SYT6: variants seen among roughly 807,000 people sequenced by gnomAD.
SYT6 encodes the protein synaptotagmin 6.
A neutral mutation model predicts 38.4 loss-of-function variants in SYT6; 24 were observed. That is an observed-to-expected ratio of 0.62 (90% CI 0.45 to 0.88). The LOEUF (loss-of-function observed/expected upper bound fraction) is 0.88. Ranked by LOEUF, SYT6 falls within the 40% of genes least tolerant of loss-of-function variation. SYT6 has a pLI of 0.00. For synonymous variants in SYT6, 265 were observed against 241.9 expected (o/e 1.10, Z -0.89); for missense variants, 611 against 621.0 (o/e 0.98, Z 0.17).
intron 1 of SYT6, among the ~76,000 whole-genome samples, chr1:114,153,155 A>T (rs1054129435): frequency 8.5e-5 from 13 of 152,292 alleles, no homozygotes; most frequent in African/African-American, 2.6e-4. Context: ...CCGCGAGAAC[A>T]CACAAACGGA....
rs374174134 is a variant in SYT6 at position 114,137,609 on chromosome 1, A to G, written c.957T>C (p.Phe319=). 23 of 1,614,198 alleles carry G rather than the reference A, an allele frequency of 1.4e-5. No individual in the cohort carries two copies. The highest frequency in any genetic ancestry group is 1.5e-5 in the Non-Finnish European group (18 of 1,180,020). ...TCATGTCATGGCGGGAGAAGCGGTC[A>G]AAGTCGAAGACACTGAGATGCAGCT... ...DRKLHLSVFD[F]DRFSRHDMIG... is the part of the protein sequence containing the mutation. The change falls in exon 3 of 8, where the codon TTT becomes TTC. Residue 319 remains phenylalanine (F), a synonymous_variant. Coordinates refer to ENST00000610222, the MANE Select transcript of SYT6 (RefSeq NM_001253772.2).
rs766682891 is a variant in SYT6, at chr1:114,092,179, C to T, written c.*52-97G>A. The T allele has an allele frequency of 2.6e-6, 3 of 1,167,086 alleles. No homozygotes were observed. The South Asian group carries it at 4.4e-5, about 17-fold the overall frequency. 72.3% of individuals were successfully genotyped at this position (1,167,086 alleles called of 1,614,324 possible). A position where few individuals can be genotyped will look rare whatever the true frequency, so the allele number is the denominator to read the frequency against. The stretch of plus-strand genomic sequence containing the variant: ...GCCCAATGCACTGAATTCACCTTTC[C>T]TAGCTTCTCATAAGCTTTCTTGAAT... On this transcript the variant is annotated intron_variant, in intron 7 of 7. Coordinates refer to ENST00000610222, the MANE Select transcript of SYT6 (RefSeq NM_001253772.2).
intron 7 of SYT6, among the ~76,000 whole-genome samples, chr1:114,092,472 C>T (rs894482005): frequency 1.3e-5 from 2 of 152,098 alleles, no homozygotes; most frequent in Non-Finnish European, 2.9e-5. Flanking sequence ...CAGAATATGT[C>T]CTTACTGCCA....
intron 4 of SYT6, among the ~76,000 whole-genome samples, chr1:114,100,341 C>T (rs1380929719): frequency 6.6e-6 from 1 of 152,306 alleles, no homozygotes; most frequent in African/African-American, 2.4e-5. Context: ...GCCAGCCAAG[C>T]AGCTGCTCCC....
At chr1:114,126,473 C>G (rs1677743686) in intron 3 of SYT6, among the ~76,000 whole-genome samples, 1 of 152,168 alleles carries the variant, frequency 6.6e-6, no homozygotes, top group South Asian at 2.1e-4. Flanking sequence ...AAGTCTGTGA[C>G]AGTGCCCAGA....
Position 114,103,698 on chromosome 1 carries a change from G to A in SYT6, c.1095C>T (p.Ile365=). The change falls in exon 4 of 8, where the codon ATC becomes ATT. Residue 365 remains isoleucine, a synonymous_variant. Transcript: ENST00000610222. ...TGGGCAGGTAGCAAAGGGAGAACAT[G>A]ATCTCTCCCAAGTCCACGCTTTCCT... ...ATSESVDLGE[I]MFSLCYLPTA... The A allele has an allele frequency of 6.2e-7, 1 of 1,614,020 alleles. No homozygotes were observed.
At chr1:114,109,962 T>C (rs780804043) in intron 3 of SYT6, among the ~76,000 whole-genome samples, 1 of 152,172 alleles carries the variant, frequency 6.6e-6, no homozygotes, top group Admixed American at 6.5e-5. Flanking sequence ...GCAGGGAGTG[T>C]TCGGGGCGCA....
At chr1:114,102,065 A>T (rs1019996728) in intron 4 of SYT6, among the ~76,000 whole-genome samples, 1 of 152,206 alleles carries the variant, frequency 6.6e-6, no homozygotes, top group African/African-American at 2.4e-5. Flanking sequence ...AGCTTTTGTG[A>T]TGACCTCAGC....
At chr1:114,122,508 C>T (rs112477357) in intron 3 of SYT6, among the ~76,000 whole-genome samples, 2 of 66,748 alleles carry the variant, frequency 3.0e-5, no homozygotes, top group Admixed American at 1.7e-4. Context: ...TGTGTGTGTG[C>T]GCGCACATGA....
chr1:114,149,511 C>T (rs977938612), intron 1 of SYT6, among the ~76,000 whole-genome samples: 2 of 152,092 alleles, frequency 1.3e-5, no homozygotes, highest in African/African-American at 2.4e-5. Context: ...AAGCTAATTA[C>T]GGCCGCACCA....
intron 2 of SYT6, among the ~76,000 whole-genome samples, chr1:114,138,489 T>C (rs1678647035): frequency 6.6e-6 from 1 of 152,178 alleles, no homozygotes; most frequent in African/African-American, 2.4e-5. Flanking sequence ...GTTAAGCATT[T>C]GCTATACGGC....
chr1:114,139,653 C>G lies in SYT6; in HGVS notation c.474G>C (p.Arg158=). Residue 158 remains arginine, a synonymous_variant, in exon 2 of 8, where the codon CGG becomes CGC. Coordinates refer to ENST00000610222, the MANE Select transcript of SYT6 (RefSeq NM_001253772.2). ...CTGGCTCTGTAGTTTGCCGCTGCAG[C>G]CGGGTGTGACGCATGATGTGCTCCT... The part of the protein sequence containing the change: ...SVKEHIMRHT[R]LQRQTTEPAS... The G allele has an allele frequency of 6.2e-7, 1 of 1,614,152 alleles. No individual in the cohort carries two copies. The highest frequency in any genetic ancestry group is 8.5e-7 in the Non-Finnish European group (1 of 1,180,038).
At chr1:114,111,799 G>A (rs967823459) in intron 3 of SYT6, among the ~76,000 whole-genome samples, 1 of 152,244 alleles carries the variant, frequency 6.6e-6, no homozygotes, top group African/African-American at 2.4e-5. Flanking sequence ...CTGACGCTCT[G>A]CCCGCCCCAC....
At chr1:114,123,973 C>CACCT (rs77302800) in intron 3 of SYT6, among the ~76,000 whole-genome samples, 1 of 151,894 alleles carries the variant, frequency 6.6e-6, no homozygotes, top group Non-Finnish European at 1.5e-5. Flanking sequence ...AGACCCCATC[C>CACCT]GGCTGGGGCC....
intron 1 of SYT6, among the ~76,000 whole-genome samples, chr1:114,151,828 C>A (rs1679451974): frequency 6.6e-6 from 1 of 152,232 alleles, no homozygotes; most frequent in East Asian, 1.9e-4. Flanking sequence ...GAACCAGAGT[C>A]TTATAATAAT....
chr1:114,116,866 A>T (rs946326133), intron 3 of SYT6, among the ~76,000 whole-genome samples: 13 of 152,160 alleles, frequency 8.5e-5, no homozygotes, highest in African/African-American at 3.1e-4. Flanking sequence ...CTATTACATC[A>T]TAATTTAGAG....
In SYT6 at chr1:114,097,886, G is replaced by A; in HGVS notation, c.1365-9C>T. On this transcript the variant is annotated splice_polypyrimidine_tract_variant and intron_variant, in intron 5 of 7. Transcript: ENST00000610222. ...TCTCATTGTGGCCCACTCTGAGGGA[G>A]AAACAAAAGTCCCAGCACTGGCTAC... 2 of 1,613,732 alleles carry A rather than the reference G, an allele frequency of 1.2e-6. No homozygotes were observed. Among genetic ancestry groups the A allele is most frequent in the Non-Finnish European group, 1.7e-6 (2 of 1,179,724 alleles).
intron 3 of SYT6, among the ~76,000 whole-genome samples, chr1:114,111,506 A>G (rs766944459): frequency 1.3e-5 from 2 of 152,122 alleles, no homozygotes; most frequent in Admixed American, 6.5e-5. Flanking sequence ...TCCCACCTTC[A>G]TGACTTCATC....
chr1:114,138,053 C>T lies in SYT6; in HGVS notation c.513G>A (p.Arg171=), dbSNP rs1351281561. 9.9e-6 allele frequency: 16 copies of T among 1,612,628 alleles called. No homozygotes were observed. Among genetic ancestry groups the T allele is most frequent in the Non-Finnish European group, 1.3e-5 (15 of 1,179,362 alleles). The change falls in exon 3 of 8, where the codon AGG becomes AGA. Residue 171 remains arginine (R), a splice_region_variant and synonymous_variant. Coordinates refer to ENST00000610222, the MANE Select transcript of SYT6 (RefSeq NM_001253772.2). The stretch of plus-strand genomic sequence containing the variant: ...GCAGGTGGCGCTTGAAGGACGTGTG[C>T]CTGGTAGAGGGCAGGAGGGGGCAGA... ...RQTTEPASST[R]HTSFKRHLPR... is the part of the protein sequence containing the mutation.
Sources: gnomAD v4.1 joint callset for allele counts (sites outside exome capture counted in the v4.1 genomes callset) on GRCh38, gnomAD v4.1.1 for gene constraint, MANE v1.5 for transcripts, NCBI Gene and HGNC (gene_info 2026-07-23, HGNC 2026-07-21) for gene names.